CUBN: variants seen among roughly 807,000 people sequenced by gnomAD.
CUBN encodes the protein 460 kDa receptor.
Under a neutral mutation model 405.3 loss-of-function variants are expected in CUBN, and 282 were observed. The ratio of observed to expected loss-of-function variants is 0.70; its 90% CI spans 0.63 to 0.77. CUBN has a LOEUF of 0.77. Ranked by LOEUF, CUBN falls within the 30% of genes least tolerant of loss-of-function variation. The pLI, the probability that CUBN is intolerant of heterozygous loss-of-function variation, is 0.00. For synonymous variants in CUBN, 1,684 were observed against 1,617.0 expected (o/e 1.04, Z -0.99); for missense variants, 4,514 against 4,475.2 (o/e 1.01, Z -0.25).
At chr10:16,959,831 G>A (rs1035381794) in intron 31 of CUBN, among the ~76,000 whole-genome samples, 3 of 151,990 alleles carry the variant, frequency 2.0e-5, no homozygotes, top group Non-Finnish European at 2.9e-5. Context: ...TATTACTATT[G>A]GATACACATA....
chr10:16,863,263 G>T (rs1018926263), intron 59 of CUBN, among the ~76,000 whole-genome samples: 2 of 152,196 alleles, frequency 1.3e-5, no homozygotes, highest in African/African-American at 4.8e-5. Context: ...AAGGTACAGG[G>T]CTTAAAAAGA....
chr10:17,061,332 G>A (rs1021447196), intron 22 of CUBN, among the ~76,000 whole-genome samples: 4 of 152,086 alleles, frequency 2.6e-5, no homozygotes, highest in African/African-American at 7.2e-5. Flanking sequence ...CCCTTGAATT[G>A]CTTGGCGAAC....
chr10:16,928,276 G>T lies in CUBN; in HGVS notation c.6152C>A (p.Ala2051Glu). ...DGDNNLAQQL[A>E]VLCGREIPGP... ...AGGGATCTCTCTGCCACAGAGAACT[G>T]CTAGCTGCTGGGCCAAGTTATTATC... The change falls in exon 41 of 67, where the codon GCA (alanine) becomes GAA (glutamate). Residue 2051 changes from alanine to glutamate, a missense_variant. Ala to Glu is a moderately radical substitution (Grantham distance 107). Coordinates refer to ENST00000377833, the MANE Select transcript of CUBN (RefSeq NM_001081.4). 6.2e-7 allele frequency: 1 copy of T among 1,613,896 alleles called. No individual in the cohort carries two copies. Among genetic ancestry groups the T allele is most frequent in the Non-Finnish European group, 8.5e-7 (1 of 1,179,892 alleles).
chr10:16,843,179 A>G (rs1181773963), intron 60 of CUBN, among the ~76,000 whole-genome samples: 1 of 152,148 alleles, frequency 6.6e-6, no homozygotes, highest in African/African-American at 2.4e-5. Context: ...ACAATTCCCA[A>G]CCATGGCTCC....
intron 31 of CUBN, among the ~76,000 whole-genome samples, chr10:16,975,430 T>G (rs1189371925): frequency 6.6e-6 from 1 of 152,208 alleles, no homozygotes; most frequent in Non-Finnish European, 1.5e-5. Context: ...ATCCTAGCCA[T>G]GCTGGCATGC....
At chr10:17,079,386 C>G (rs1464842267) in intron 17 of CUBN, among the ~76,000 whole-genome samples, 1 of 151,880 alleles carries the variant, frequency 6.6e-6, no homozygotes, top group Non-Finnish European at 1.5e-5. Flanking sequence ...CAGGTGCCCA[C>G]CATCACACTT....
chr10:16,923,202 C>T (rs1842088531), intron 43 of CUBN, among the ~76,000 whole-genome samples: 1 of 151,830 alleles, frequency 6.6e-6, no homozygotes, highest in South Asian at 2.1e-4. Context: ...AACTCCTTGG[C>T]AGAACTCGGT....
intron 56 of CUBN, among the ~76,000 whole-genome samples, chr10:16,881,789 T>C (rs1488190757): frequency 1.3e-5 from 2 of 152,248 alleles, no homozygotes; most frequent in Admixed American, 1.3e-4. Flanking sequence ...TAAGAAAATA[T>C]AAAAAATTAA....
Position 16,829,042 on chromosome 10 carries a change from T to C in CUBN, c.10529-2A>G. On this transcript the variant is annotated splice_acceptor_variant, in intron 65 of 66. Coordinates refer to ENST00000377833, the MANE Select transcript of CUBN (RefSeq NM_001081.4). LOFTEE classifies it high-confidence loss of function. ...CTCCATAAAGAGTTCCACCACATCC[T>C]GCAAGGAAAACAGGACAGGAAGTTT... is the stretch of plus-strand genomic sequence containing the variant. The C allele has an allele frequency of 1.9e-6, 3 of 1,612,464 alleles. No homozygotes were observed. In the East Asian group the frequency reaches 6.7e-5, roughly 36 times the overall value.
At chr10:17,069,582 T>C (rs912063855) in intron 19 of CUBN, among the ~76,000 whole-genome samples, 35 of 152,190 alleles carry the variant, frequency 2.3e-4, no homozygotes, top group African/African-American at 7.5e-4. Flanking sequence ...CTCACTCTGT[T>C]ACCCAGGCTA....
chr10:17,073,594 G>A (rs930569559), intron 17 of CUBN, among the ~76,000 whole-genome samples: 10 of 152,170 alleles, frequency 6.6e-5, no homozygotes, highest in African/African-American at 2.4e-4. Context: ...TTACAGGCAT[G>A]TGCCACCACG....
intron 54 of CUBN, among the ~76,000 whole-genome samples, chr10:16,897,606 C>T (rs972855108): frequency 1.3e-5 from 2 of 152,056 alleles, no homozygotes; most frequent in Admixed American, 1.3e-4. Context: ...GTGACTGGGA[C>T]CCATTTTTCC....
At chr10:17,036,978 A>G (rs1334495610) in intron 27 of CUBN, among the ~76,000 whole-genome samples, 1 of 152,162 alleles carries the variant, frequency 6.6e-6, no homozygotes, top group Non-Finnish European at 1.5e-5. Context: ...CTTGACACTT[A>G]TAATCTTTCT....
intron 45 of CUBN, among the ~76,000 whole-genome samples, chr10:16,916,699 C>T (rs1271076126): frequency 1.3e-5 from 2 of 152,080 alleles, no homozygotes; most frequent in Non-Finnish European, 2.9e-5. Flanking sequence ...CTATTAGATA[C>T]CAAATTATGT....
At chr10:17,037,386 T>C (rs748004299) in intron 27 of CUBN, among the ~76,000 whole-genome samples, 14 of 152,164 alleles carry the variant, frequency 9.2e-5, no homozygotes, top group Non-Finnish European at 1.5e-4. Context: ...GAAAAATATC[T>C]CTGTTTAGAT....
chr10:17,114,001 C>G lies in CUBN; in HGVS notation c.883+26G>C, dbSNP rs773205208. The G allele has an allele frequency of 1.9e-6, 3 of 1,608,770 alleles. No homozygotes were observed. The East Asian group carries it at 6.7e-5, about 36-fold the overall frequency. On this transcript the variant is annotated intron_variant, in intron 8 of 66. Coordinates refer to ENST00000377833, the MANE Select transcript of CUBN (RefSeq NM_001081.4). ...CACCTCGCCAACCTGGCATGCAGAG[C>G]CTGGCTTGTGGCCCTGAGAATGTAC...
chr10:16,995,287 A>G (rs977617621), intron 28 of CUBN, among the ~76,000 whole-genome samples: 2 of 152,156 alleles, frequency 1.3e-5, no homozygotes, highest in Admixed American at 1.3e-4. Context: ...GTAACAGAGG[A>G]AGCATGGGCT....
At chr10:16,901,603 C>T (rs1452117777) in intron 51 of CUBN, 144 bp from the exon 52 acceptor site, 7 of 1,140,410 alleles carry the variant, frequency 6.1e-6, no homozygotes, top group Middle Eastern at 2.8e-4. Flanking sequence ...CCAGTAATAC[C>T]AGCACTTTGG....
chr10:17,040,750 C>CAA lies in CUBN; in HGVS notation c.4017+281_4017+282dup, dbSNP rs199683495. 0.019 allele frequency among the ~76,000 whole-genome samples: 2,932 copies of CAA among 151,996 alleles called. 97 individuals are homozygous for CAA. The highest frequency in any genetic ancestry group is 0.067 in the African/African-American group (2,795 of 41,478). ...AGAGAACAAACATAAAAACAACCAACAAAAAATAGAGGTTATTACTCTCCT... is the reference window on the plus strand; with the variant it reads ...AGAGAACAAACATAAAAACAACCAACAAAAAAAATAGAGGTTATTACTCTCCT... On this transcript the variant is annotated intron_variant, in intron 27 of 66. Transcript: ENST00000377833.
Sources: gnomAD v4.1 joint callset for allele counts (sites outside exome capture counted in the v4.1 genomes callset) on GRCh38, gnomAD v4.1.1 for gene constraint, MANE v1.5 for transcripts, NCBI Gene and HGNC (gene_info 2026-07-23, HGNC 2026-07-21) for gene names.